The following EGFLAM variants were observed in gnomAD, a reference collection of about 807,000 sequenced individuals.
The protein encoded by EGFLAM is pikachurin.
EGFLAM carries 79 observed loss-of-function variants against 113.1 expected under a neutral mutation model. The ratio of observed to expected loss-of-function variants is 0.70; its 90% confidence interval spans 0.58 to 0.84. EGFLAM has a LOEUF of 0.84. Ranked by LOEUF, EGFLAM falls within the 40% of genes least tolerant of loss-of-function variation. The probability of loss-of-function intolerance (pLI) is 0.00; values close to 1 mark genes in which losing one functional copy is unlikely to be tolerated. For missense variants in EGFLAM, 1,265 were observed against 1,291.6 expected, an observed-to-expected ratio of 0.98 and a Z score of 0.32; for synonymous variants, 504 against 487.6, an observed-to-expected ratio of 1.03 and a Z score of -0.44.
chr5:38,422,538 TG>T, intron 12 of EGFLAM, among the ~76,000 whole-genome samples: 1 of 152,254 alleles, frequency 6.6e-6, no homozygotes, highest in East Asian at 1.9e-4. Flanking sequence ...AAATAATATA[TG>T]TAATATTATA....
At chr5:38,461,226 A>G (rs1743261546) in intron 20 of EGFLAM, 1 of 152,186 alleles carries the variant, frequency 6.6e-6, no homozygotes, top group Admixed American at 6.5e-5. Context: ...CTGTTCATTC[A>G]TCATCTGGGA....
At chr5:38,352,958 C>T (rs1207901757) in intron 5 of EGFLAM, among the ~76,000 whole-genome samples, 1 of 152,190 alleles carries the variant, frequency 6.6e-6, no homozygotes, top group Non-Finnish European at 1.5e-5. Flanking sequence ...GCCTTGCCCT[C>T]CTGGCTTTGA....
intron 6 of EGFLAM, among the ~76,000 whole-genome samples, chr5:38,374,603 G>A (rs1342486423): frequency 6.6e-6 from 1 of 152,224 alleles, no homozygotes; most frequent in Non-Finnish European, 1.5e-5. Flanking sequence ...ATCCCCAGGA[G>A]CAATTTGGGG....
chr5:38,431,034 C>G (rs1742170627), intron 14 of EGFLAM, 143 bp from the exon 15 acceptor site: 2 of 713,376 alleles, frequency 2.8e-6, no homozygotes, highest in Admixed American at 5.2e-5. Flanking sequence ...CAGATCTTTA[C>G]TAAGTTTACT....
At chr5:38,344,647 C>T (rs1054145853) in intron 3 of EGFLAM, among the ~76,000 whole-genome samples, 2 of 152,164 alleles carry the variant, frequency 1.3e-5, no homozygotes, top group Non-Finnish European at 2.9e-5. Context: ...TTACATTCCT[C>T]CCATGGAACT....
In EGFLAM at chr5:38,424,152, C is replaced by T. The variant is rs114040989; in HGVS notation, c.1685-815C>T. On this transcript the variant is annotated intron_variant, in intron 12 of 21. Coordinates refer to ENST00000322350, the MANE Select transcript of EGFLAM (RefSeq NM_152403.4). ...CCATCTGTCTAACTGATTTCTTACA[C>T]ACAAAGAGAAAACACAAAGAAGCAG... Among the ~76,000 whole-genome samples, 999 of 152,298 alleles carry T rather than the reference C, an allele frequency of 6.6e-3. 14 individuals carry two copies. The highest frequency in any genetic ancestry group is 0.023 in the African/African-American group (955 of 41,558).
chr5:38,303,613 C>G (rs1758650432), intron 1 of EGFLAM, among the ~76,000 whole-genome samples: 1 of 152,152 alleles, frequency 6.6e-6, no homozygotes. Flanking sequence ...AGTGAGCAGC[C>G]TAGCTTTCTA....
chr5:38,320,176 C>T (rs549244854), intron 1 of EGFLAM, among the ~76,000 whole-genome samples: 1 of 152,336 alleles, frequency 6.6e-6, no homozygotes, highest in South Asian at 2.1e-4. Context: ...ACTGTTGCCT[C>T]ACACAAGACA....
chr5:38,317,350 T>C (rs1326573221), intron 1 of EGFLAM, among the ~76,000 whole-genome samples: 2 of 152,094 alleles, frequency 1.3e-5, no homozygotes, highest in South Asian at 2.1e-4. Context: ...AGGGTGAAGA[T>C]GGGATGGAGG....
chr5:38,328,608 G>T (rs569456846), intron 1 of EGFLAM, among the ~76,000 whole-genome samples: 2 of 151,644 alleles, frequency 1.3e-5, no homozygotes. Context: ...TGTTACTCTC[G>T]TTTTAATATT....
In EGFLAM at chr5:38,305,874, G is replaced by A. The variant is rs527395141; in HGVS notation, c.98-31646G>A. Among the ~76,000 whole-genome samples, 50 of 152,314 alleles carry A rather than the reference G, an allele frequency of 3.3e-4. 1 individual carries two copies. Among genetic ancestry groups the A allele is most frequent in the African/African-American group, 1.1e-3 (47 of 41,564 alleles). On this transcript the variant is annotated intron_variant, in intron 1 of 21. Coordinates refer to ENST00000322350, the MANE Select transcript of EGFLAM (RefSeq NM_152403.4). ...AAGGCAGTAGGACAGACATTCATTA[G>A]GTGTGTCCTGGCATCCTTAAGGAAC...
intron 1 of EGFLAM, among the ~76,000 whole-genome samples, 195 bp from the exon 2 acceptor site, chr5:38,337,325 C>A (rs1167119825): frequency 6.6e-6 from 1 of 152,070 alleles, no homozygotes; most frequent in Non-Finnish European, 1.5e-5. Flanking sequence ...TCTACTGATG[C>A]CAGGTTGGGA....
intron 4 of EGFLAM, 119 bp downstream of exon 4, chr5:38,350,737 G>A: frequency 1.1e-6 from 1 of 947,846 alleles, no homozygotes; most frequent in Non-Finnish European, 1.6e-6. Flanking sequence ...TGGGAATTCA[G>A]TAGAGAACAA....
At chr5:38,445,542 C>T (rs758165639) in intron 17 of EGFLAM, 35 of 1,574,650 alleles carry the variant, frequency 2.2e-5, no homozygotes, top group Non-Finnish European at 3.0e-5. Flanking sequence ...CCTAAGAGGA[C>T]GTTCTGGACT....
chr5:38,420,952 C>T (rs1159619127), intron 12 of EGFLAM, among the ~76,000 whole-genome samples: 2 of 152,198 alleles, frequency 1.3e-5, no homozygotes, highest in Non-Finnish European at 2.9e-5. Flanking sequence ...TGGTGTTTTA[C>T]ATTTCTTCGC....
rs541046383 is a variant in EGFLAM, at chr5:38,324,341, C to T, written c.98-13179C>T. ...CTAAAACTTATCTCTAGCCCATAGGCGGTCCCACTGGAGGCTTACTCCTCC... is the reference window on the plus strand; with the variant it reads ...CTAAAACTTATCTCTAGCCCATAGGTGGTCCCACTGGAGGCTTACTCCTCC... On this transcript the variant is annotated intron_variant, in intron 1 of 21. Transcript: ENST00000322350. 3.3e-5 allele frequency among the ~76,000 whole-genome samples: 5 copies of T among 152,252 alleles called. No homozygotes were observed. The East Asian group carries it at 7.7e-4, about 24-fold the overall frequency.
At chr5:38,443,003 T>G (rs1359788057) in intron 17 of EGFLAM, among the ~76,000 whole-genome samples, 1 of 152,206 alleles carries the variant, frequency 6.6e-6, no homozygotes, top group East Asian at 1.9e-4. Context: ...CAGTGGCTCA[T>G]GCCTGTAATC....
chr5:38,414,480 A>G (rs1741579739), intron 11 of EGFLAM, among the ~76,000 whole-genome samples: 1 of 152,222 alleles, frequency 6.6e-6, no homozygotes, highest in South Asian at 2.1e-4. Flanking sequence ...CTAAAGAATT[A>G]TAGGCTGTGT....
chr5:38,404,931 G>A (rs934402921), intron 6 of EGFLAM, among the ~76,000 whole-genome samples: 1 of 152,060 alleles, frequency 6.6e-6, no homozygotes, highest in African/African-American at 2.4e-5. Context: ...TGGATTCTGC[G>A]GATGACAGTT....
Sources: gnomAD v4.1 joint callset for allele counts (sites outside exome capture counted in the v4.1 genomes callset) on GRCh38, gnomAD v4.1.1 for gene constraint, MANE v1.5 for transcripts, NCBI Gene and HGNC (gene_info 2026-07-23, HGNC 2026-07-21) for gene names.